DYSF: variants seen among roughly 807,000 people sequenced by gnomAD.
DYSF encodes the protein dysferlin, also known as dystrophy-associated fer-1-like 1.
In DYSF, 212 loss-of-function variants were observed where a neutral mutation model predicts 274.9. The observed-to-expected ratio is 0.77, with a 90% CI of 0.69 to 0.86. The LOEUF (loss-of-function observed/expected upper bound fraction) is 0.86, where lower values mean the gene tolerates loss of function less well. Ranked by LOEUF, DYSF falls within the 40% of genes least tolerant of loss-of-function variation. DYSF has a pLI of 0.00. For missense variants in DYSF, 2,666 were observed against 2,783.2 expected (o/e 0.96, Z 0.95); for synonymous variants, 1,091 against 1,078.7 (o/e 1.01, Z -0.22).
intron 30 of DYSF, among the ~76,000 whole-genome samples, chr2:71,583,573 C>A (rs1481914577): frequency 6.6e-6 from 1 of 152,218 alleles, no homozygotes; most frequent in African/African-American, 2.4e-5. Flanking sequence ...TCCACCCCTG[C>A]TCTGGCCCTT....
chr2:71,613,999 T>C (rs2093827579), intron 40 of DYSF, among the ~76,000 whole-genome samples: 1 of 152,176 alleles, frequency 6.6e-6, no homozygotes, highest in African/African-American at 2.4e-5. Flanking sequence ...GGAGTCTTCC[T>C]TTTGCTGCAT....
chr2:71,680,197 A>T (rs2095279150), intron 53 of DYSF, among the ~76,000 whole-genome samples: 1 of 152,236 alleles, frequency 6.6e-6, no homozygotes, highest in Admixed American at 6.5e-5. Context: ...TGTACTGCCC[A>T]CGGGTAGCTG....
intron 42 of DYSF, among the ~76,000 whole-genome samples, chr2:71,649,216 G>A (rs1161166850): frequency 2.6e-5 from 4 of 151,678 alleles, no homozygotes; most frequent in African/African-American, 9.7e-5. Context: ...AAGGGTTAAG[G>A]TAATAGGTAA....
chr2:71,532,268 C>T (rs756527812), intron 14 of DYSF, among the ~76,000 whole-genome samples: 2 of 152,202 alleles, frequency 1.3e-5, no homozygotes, highest in Non-Finnish European at 2.9e-5. Flanking sequence ...TTTGTCCACA[C>T]TCTGATTGCT....
In DYSF at chr2:71,553,860, TCATC is replaced by T; in HGVS notation, c.2040_2043del (p.Ser681ThrfsTer33). 1 of 1,612,508 alleles carries T rather than the reference TCATC, an allele frequency of 6.2e-7. No individual in the cohort carries two copies. On this transcript the variant is annotated frameshift_variant, in exon 21 of 56. Coordinates refer to ENST00000410020, the MANE Select transcript of DYSF (RefSeq NM_001130987.2). LOFTEE classifies it high-confidence loss of function. The stretch of plus-strand genomic sequence containing the variant: ...TAACGTGAAACCTGTGGTGGTGCTG[TCATC>T]CTACTGGGAGGACATCAGCCATAGA...
intron 42 of DYSF, among the ~76,000 whole-genome samples, chr2:71,645,823 C>G (rs2094559376): frequency 6.6e-6 from 1 of 152,154 alleles, no homozygotes; most frequent in African/African-American, 2.4e-5. Context: ...GGGGGAGACT[C>G]TGTACCCCGC....
chr2:71,651,451 G>A (rs1158713207), intron 42 of DYSF, among the ~76,000 whole-genome samples: 3 of 152,068 alleles, frequency 2.0e-5, no homozygotes, highest in Non-Finnish European at 4.4e-5. Context: ...ATGAGATAAT[G>A]TGAAGGAAAA....
intron 1 of DYSF, among the ~76,000 whole-genome samples, chr2:71,470,207 A>T (rs1053879860): frequency 2.6e-5 from 4 of 151,612 alleles, no homozygotes; most frequent in Non-Finnish European, 5.9e-5. Context: ...TCTCTTCTTG[A>T]TCTCCTGGGG....
rs917318728 is a variant in DYSF at position 71,589,677 on chromosome 2, A to G, written c.3487A>G (p.Ile1163Val). The G allele has an allele frequency of 2.5e-6, 4 of 1,613,930 alleles. No homozygotes were observed. The highest frequency in any genetic ancestry group is 3.4e-6 in the Non-Finnish European group (4 of 1,179,944). Residue 1163 changes from isoleucine (I) to valine (V), a missense_variant, in exon 31 of 56, where the codon ATA becomes GTA. Ile to Val is a conservative substitution (Grantham distance 29). Around this residue, in one of 3 missense-constraint regions of DYSF, gnomAD observed 1,460 missense variants for 1,502.1 expected, o/e 0.97. Coordinates refer to ENST00000410020, the MANE Select transcript of DYSF (RefSeq NM_001130987.2). ...TGTGAACAGACCCACGATTTCCTGCATATTCGACTGTAAGTGAGGCTTCGA... is the reference window on the plus strand; with the variant it reads ...TGTGAACAGACCCACGATTTCCTGCGTATTCGACTGTAAGTGAGGCTTCGA... ...FGVNRPTISC[I>V]FDYGNRYHLR...
chr2:71,488,535 A>G (rs4852260), intron 3 of DYSF, among the ~76,000 whole-genome samples: 56,440 of 151,960 alleles, frequency 0.37, 11,796 homozygotes, highest in Non-Finnish European at 0.48. Flanking sequence ...CTGTTAAATG[A>G]GGAGGTCTCA....
At chr2:71,459,495 G>T (rs566711402) in intron 1 of DYSF, among the ~76,000 whole-genome samples, 5 of 152,114 alleles carry the variant, frequency 3.3e-5, no homozygotes, top group Non-Finnish European at 7.4e-5. Context: ...AGTGAGCTGA[G>T]GGGGGGACAC....
At chr2:71,503,512 G>T (rs534135978) in intron 4 of DYSF, among the ~76,000 whole-genome samples, 193 bp downstream of exon 4, 8 of 152,156 alleles carry the variant, frequency 5.3e-5, no homozygotes, top group African/African-American at 1.4e-4. Flanking sequence ...GGCAGAGGGA[G>T]CCCTGACCCC....
chr2:71,556,008 G>A lies in DYSF; in HGVS notation c.2153G>A (p.Cys718Tyr), dbSNP rs886042275. The change falls in exon 22 of 56, where the codon TGC (cysteine) becomes TAC (tyrosine). Residue 718 changes from cysteine (C) to tyrosine (Y), a missense_variant. Physicochemically the swap from Cys to Tyr is radical, Grantham distance 194. Coordinates refer to ENST00000410020, the MANE Select transcript of DYSF (RefSeq NM_001130987.2). Reference protein sequence around the residue: ...EQVHLALKAQCSTEDVDSLVA... With the variant: ...EQVHLALKAQYSTEDVDSLVA... ...GTCCACCTGGCCCTGAAGGCGCAGT[G>A]CTCCACGGAGGACGTGGACTCGCTG... 103 of 1,576,260 alleles carry A rather than the reference G, an allele frequency of 6.5e-5. No homozygotes were observed. The highest frequency in any genetic ancestry group is 8.0e-5 in the Non-Finnish European group (93 of 1,161,408).
At chr2:71,523,416 A>G (rs1365856987) in intron 12 of DYSF, among the ~76,000 whole-genome samples, 1 of 152,178 alleles carries the variant, frequency 6.6e-6, no homozygotes, top group Non-Finnish European at 1.5e-5. Flanking sequence ...AGGGTTTGTT[A>G]GGGGAGGCAG....
chr2:71,631,788 G>A (rs114609001), intron 41 of DYSF, among the ~76,000 whole-genome samples: 1,808 of 152,008 alleles, frequency 0.012, 30 homozygotes, highest in African/African-American at 0.041. Context: ...GGCTCGGGGC[G>A]CCTTTTCCCT....
chr2:71,463,475 C>T (rs557047928), upstream of DYSF, among the ~76,000 whole-genome samples: 7 of 152,286 alleles, frequency 4.6e-5, no homozygotes, highest in Non-Finnish European at 8.8e-5. Flanking sequence ...TGGTAGGGGG[C>T]GGGGCTCCCA....
At position 71,556,030 on chromosome 2, in the gene DYSF, G is replaced by C; in HGVS notation, c.2175G>C (p.Ser725=). 6.3e-7 allele frequency: 1 copy of C among 1,578,744 alleles called. No homozygotes were observed. Among genetic ancestry groups the C allele is most frequent in the Non-Finnish European group, 8.6e-7 (1 of 1,163,028 alleles). ...AGTGCTCCACGGAGGACGTGGACTC[G>C]CTGGTGGCTCAGCTGACGGATGAGC... The part of the protein sequence containing the change: ...KAQCSTEDVD[S]LVAQLTDELI... The change falls in exon 22 of 56, where the codon TCG becomes TCC. Residue 725 remains serine (S), a synonymous_variant. Coordinates refer to ENST00000410020, the MANE Select transcript of DYSF (RefSeq NM_001130987.2).
intron 44 of DYSF, among the ~76,000 whole-genome samples, chr2:71,659,462 G>C (rs1355640103): frequency 6.6e-6 from 1 of 152,220 alleles, no homozygotes; most frequent in Non-Finnish European, 1.5e-5. Flanking sequence ...ATGGGGAGGA[G>C]TGATGGGGGA....
intron 30 of DYSF, among the ~76,000 whole-genome samples, chr2:71,576,664 C>T (rs1030635059): frequency 2.0e-5 from 3 of 152,142 alleles, no homozygotes; most frequent in Admixed American, 6.5e-5. Context: ...GCCTGCCAGG[C>T]GGCCCAGGGC....
Sources: gnomAD v4.1 joint callset for allele counts (sites outside exome capture counted in the v4.1 genomes callset) on GRCh38, gnomAD v4.1.1 for gene constraint, gnomAD v4.1.1 regional missense constraint, MANE v1.5 for transcripts, NCBI Gene and HGNC (gene_info 2026-07-23, HGNC 2026-07-21) for gene names.